Variants in ADCY3 observed in about 807,000 individuals in gnomAD.
The protein encoded by ADCY3 is adenylate cyclase 3.
In ADCY3, 70 loss-of-function variants were observed where a neutral mutation model predicts 119.4. The ratio of observed to expected loss-of-function variants is 0.59; its 90% confidence interval spans 0.48 to 0.72. The LOEUF (loss-of-function observed/expected upper bound fraction) is 0.72, where lower values mean the gene tolerates loss of function less well. Among genes scored for constraint, ADCY3 ranks in the 30% least tolerant of loss-of-function variants. ADCY3 has a pLI of 0.00. For synonymous variants in ADCY3, 672 were observed against 621.4 expected (o/e 1.08, Z -1.21); for missense variants, 1,238 against 1,541.6 (o/e 0.80, Z 3.30).
chr2:24,882,753 T>C (rs1676544475), intron 2 of ADCY3, among the ~76,000 whole-genome samples: 1 of 152,180 alleles, frequency 6.6e-6, no homozygotes, highest in Admixed American at 6.6e-5. Flanking sequence ...CTGACTCTAC[T>C]GGCAGTAAAG....
At chr2:24,848,961 C>T (rs1406103724) in intron 3 of ADCY3, among the ~76,000 whole-genome samples, 1 of 152,218 alleles carries the variant, frequency 6.6e-6, no homozygotes, top group Non-Finnish European at 1.5e-5. Context: ...GTCTCAGCCC[C>T]CCCCGCCACG....
At chr2:24,871,206 G>A (rs80306571) in intron 3 of ADCY3, among the ~76,000 whole-genome samples, 9,249 of 151,578 alleles carry the variant, frequency 0.061, 381 homozygotes, top group East Asian at 0.095. Context: ...AACAAGAAAT[G>A]AGACAGTATT....
At chr2:24,846,019 G>C (rs1431211950) in intron 3 of ADCY3, among the ~76,000 whole-genome samples, 1 of 152,274 alleles carries the variant, frequency 6.6e-6, no homozygotes, top group Non-Finnish European at 1.5e-5. Flanking sequence ...TGAGGATTGG[G>C]GAACCTCTGC....
intron 20 of ADCY3, 118 bp downstream of exon 20, chr2:24,821,399 G>A: frequency 6.9e-7 from 1 of 1,447,934 alleles, no homozygotes; most frequent in Non-Finnish European, 9.3e-7. Flanking sequence ...GTGAGTGCGT[G>A]AACCTCCCCA....
At chr2:24,827,450 C>T (rs560509130) in intron 15 of ADCY3, 96 bp downstream of exon 15, 243 of 1,398,680 alleles carry the variant, frequency 1.7e-4, no homozygotes, top group Non-Finnish European at 2.2e-4. Flanking sequence ...ACGTGCCTCC[C>T]GGGAGGGTGA....
At position 24,878,370 on chromosome 2, in the gene ADCY3, T is replaced by C. The variant is rs1675970299; in HGVS notation, c.676-5651A>G. Among the ~76,000 whole-genome samples the C allele has an allele frequency of 6.6e-6, 1 of 152,084 alleles. No homozygotes were observed. Among genetic ancestry groups the C allele is most frequent in the African/African-American group, 2.4e-5 (1 of 41,416 alleles). ...AATGGGGCTGCTCTAAGTGGGACTG[T>C]CGAGTGGAAGTCACCCCACTGGAGG... On this transcript the variant is annotated intron_variant, in intron 2 of 21. Coordinates refer to ENST00000679454, the MANE Select transcript of ADCY3 (RefSeq NM_004036.5). This position sits in a 1 kb window ranked among gnomAD's most constrained non-coding sequence, Gnocchi z 4.0.
chr2:24,901,322 C>T (rs924482448), intron 2 of ADCY3, among the ~76,000 whole-genome samples: 4 of 152,184 alleles, frequency 2.6e-5, no homozygotes, highest in African/African-American at 9.7e-5. Context: ...TATGTTTAGT[C>T]CCAAACCTGT....
chr2:24,878,341 G>A lies in ADCY3; in HGVS notation c.676-5622C>T, dbSNP rs1675966367. Among the ~76,000 whole-genome samples the A allele has an allele frequency of 6.6e-6, 1 of 152,118 alleles. No individual in the cohort carries two copies. The highest frequency in any genetic ancestry group is 2.4e-5 in the African/African-American group (1 of 41,430). ...CCTTCACGTTTGCTAACAACCCGTA[G>A]GGAAATGGGGCTGCTCTAAGTGGGA... On this transcript the variant is annotated intron_variant, in intron 2 of 21. Coordinates refer to ENST00000679454, the MANE Select transcript of ADCY3 (RefSeq NM_004036.5). The surrounding 1 kb of genome is among the most constrained non-coding windows in gnomAD (Gnocchi z 4.0).
At chr2:24,875,361 C>A (rs1465240208) in intron 2 of ADCY3, among the ~76,000 whole-genome samples, 1 of 152,236 alleles carries the variant, frequency 6.6e-6, no homozygotes, top group East Asian at 1.9e-4. Flanking sequence ...CCCCACCCCA[C>A]CCCCCGTGGG....
At chr2:24,828,308 G>C in intron 13 of ADCY3, 147 bp from the exon 14 acceptor site, 1 of 960,614 alleles carries the variant, frequency 1.0e-6, no homozygotes, top group Non-Finnish European at 1.5e-6. Flanking sequence ...ATTTACCAGG[G>C]ACTAATCATA....
chr2:24,826,398 T>C (rs1572796597), intron 15 of ADCY3: 1 of 393,780 alleles, frequency 2.5e-6, no homozygotes. Context: ...TAAGAAACAC[T>C]GCATTGCCTG....
At chr2:24,897,712 G>A (rs760867594) in intron 2 of ADCY3, among the ~76,000 whole-genome samples, 6 of 152,196 alleles carry the variant, frequency 3.9e-5, no homozygotes, top group Non-Finnish European at 8.8e-5. Context: ...CACACGGGAA[G>A]TTCAGCAAGG....
At chr2:24,835,252 G>A (rs1670150300) in intron 9 of ADCY3, among the ~76,000 whole-genome samples, 1 of 152,216 alleles carries the variant, frequency 6.6e-6, no homozygotes, top group South Asian at 2.1e-4. Context: ...TGTAATCGGA[G>A]ACAGCTGCTG....
chr2:24,870,321 CAAAAAA>C (rs34685288), intron 3 of ADCY3, among the ~76,000 whole-genome samples: 3 of 87,308 alleles, frequency 3.4e-5, no homozygotes, highest in Admixed American at 1.4e-4. Flanking sequence ...GACTCCATGT[CAAAAAA>C]AAAAAAAAAA....
chr2:24,833,141 T>C (rs1669821558), intron 11 of ADCY3, among the ~76,000 whole-genome samples: 1 of 152,248 alleles, frequency 6.6e-6, no homozygotes, highest in South Asian at 2.1e-4. Flanking sequence ...AGCGCTGTTC[T>C]CAGCAGGAGT....
At chr2:24,836,168 C>T (rs533278832) in intron 9 of ADCY3, among the ~76,000 whole-genome samples, 4 of 152,302 alleles carry the variant, frequency 2.6e-5, no homozygotes, top group South Asian at 4.1e-4. Context: ...CTGTGTCCTC[C>T]TTGCTAGTGA....
intron 2 of ADCY3, among the ~76,000 whole-genome samples, chr2:24,883,983 T>C (rs1158483071): frequency 1.3e-5 from 2 of 152,218 alleles, no homozygotes; most frequent in Non-Finnish European, 1.5e-5. Flanking sequence ...TCATCTGCTC[T>C]CCTGAATCAC....
chr2:24,838,612 T>C lies in ADCY3; in HGVS notation c.1366A>G (p.Ile456Val). The C allele has an allele frequency of 6.2e-7, 1 of 1,613,914 alleles. No individual in the cohort carries two copies. The highest frequency in any genetic ancestry group is 8.5e-7 in the Non-Finnish European group (1 of 1,180,032). The change falls in exon 8 of 22, where the codon ATC (isoleucine) becomes GTC (valine). Residue 456 changes from isoleucine (I) to valine (V), a missense_variant. By Grantham distance (29) the Ile-to-Val change is conservative. This residue lies in a region of ADCY3 where 283 missense variants were observed against 437.2 expected (regional missense o/e 0.65). Transcript: ENST00000679454. ...AGGCAGTCCATGGTGCTCTGGGAGATGTGCACGCGCCTGGATTGCAGAGAG... is the reference window on the plus strand; with the variant it reads ...AGGCAGTCCATGGTGCTCTGGGAGACGTGCACGCGCCTGGATTGCAGAGAG... ...EAGGIPGRVHISQSTMDCLKG... is the reference protein window; with the variant it reads ...EAGGIPGRVHVSQSTMDCLKG...
At position 24,831,663 on chromosome 2, in the gene ADCY3, C is replaced by T. The variant is rs142991177; in HGVS notation, c.2054G>A (p.Arg685Gln). 2.5e-5 allele frequency: 40 copies of T among 1,613,472 alleles called. No individual in the cohort carries two copies. Among genetic ancestry groups the T allele is most frequent in the African/African-American group, 1.9e-4 (14 of 74,916 alleles). Reference protein sequence around the residue: ...TICSLAAIFPRAFPKKLVAFS... With the variant: ...TICSLAAIFPQAFPKKLVAFS... ...GCTCAGTAGAAAAGTGCCTCTTACC[C>T]GGGGAAAGATGGCAGCCAGGGAGCA... is the stretch of plus-strand genomic sequence containing the variant. The change falls in exon 12 of 22, where the codon CGG becomes CAG. Residue 685 changes from arginine (R) to glutamine (Q), a missense_variant and splice_region_variant. This residue lies in a region of ADCY3 where 499 missense variants were observed against 571.0 expected (regional missense o/e 0.87). Transcript: ENST00000679454.
Sources: allele counts gnomAD v4.1 joint callset (sites outside exome capture counted in the v4.1 genomes callset), GRCh38; gene constraint gnomAD v4.1.1; regional missense constraint gnomAD v4.1.1; non-coding constraint Gnocchi (gnomAD v3.1); transcripts MANE v1.5; gene names NCBI Gene and HGNC (gene_info 2026-07-23, HGNC 2026-07-21).